SAMD3: variants seen among roughly 807,000 people sequenced by gnomAD.
The protein encoded by SAMD3 is sterile alpha motif domain containing 3, also known as sterile alpha motif domain-containing protein 3.
A neutral mutation model predicts 58.5 loss-of-function variants in SAMD3; 63 were observed. The observed-to-expected ratio is 1.08, with a 90% CI of 0.88 to 1.33. The LOEUF is 1.33. Among genes scored for constraint, SAMD3 ranks in the 40% most tolerant of loss-of-function variants. The pLI is 0.00. For missense variants in SAMD3, 604 were observed against 608.4 expected (o/e 0.99, Z 0.08); for synonymous variants, 220 against 210.3 (o/e 1.05, Z -0.40).
intron 1 of SAMD3, among the ~76,000 whole-genome samples, chr6:130,351,154 A>T (rs1157783413): frequency 2.6e-5 from 4 of 152,226 alleles, no homozygotes; most frequent in Non-Finnish European, 5.9e-5. Context: ...ACCACTCAGG[A>T]CATAGGCATG....
chr6:130,201,811 A>G (rs1188992722), intron 5 of SAMD3, among the ~76,000 whole-genome samples: 1 of 152,070 alleles, frequency 6.6e-6, no homozygotes. Context: ...ATCTTTCAAA[A>G]TCCTCCTTCA....
At chr6:130,352,597 C>T (rs542282029) in intron 1 of SAMD3, among the ~76,000 whole-genome samples, 1 of 152,288 alleles carries the variant, frequency 6.6e-6, no homozygotes, top group East Asian at 1.9e-4. Flanking sequence ...TGTGTAGCTG[C>T]ACTTAGAGTG....
chr6:130,204,346 A>G (rs1415087937), intron 5 of SAMD3, among the ~76,000 whole-genome samples: 1 of 152,214 alleles, frequency 6.6e-6, no homozygotes, highest in Non-Finnish European at 1.5e-5. Flanking sequence ...GATGGGACCT[A>G]TTAATTCCTC....
intron 1 of SAMD3, among the ~76,000 whole-genome samples, chr6:130,357,118 C>CTTTTTTTTTT (rs1169066063): frequency 1.1e-5 from 1 of 91,714 alleles, no homozygotes; most frequent in Non-Finnish European, 2.0e-5. Flanking sequence ...GCCATGGCAT[C>CTTTTTTTTTT]TTTTTTTTTT....
intron 2 of SAMD3, among the ~76,000 whole-genome samples, chr6:130,303,769 T>A (rs1775825883): frequency 6.6e-6 from 1 of 152,208 alleles, no homozygotes; most frequent in Admixed American, 6.5e-5. Context: ...CTATTGCACC[T>A]ATATGCACTT....
chr6:130,213,325 T>TAA (rs1263542008), intron 4 of SAMD3, among the ~76,000 whole-genome samples: 12 of 150,560 alleles, frequency 8.0e-5, no homozygotes, highest in South Asian at 2.1e-4. Context: ...TTTTTTTTTT[T>TAA]AAAAAAAATC....
chr6:130,242,834 T>C (rs1030461249), intron 2 of SAMD3, among the ~76,000 whole-genome samples: 2 of 152,182 alleles, frequency 1.3e-5, no homozygotes, highest in East Asian at 1.9e-4. Flanking sequence ...GAAGCACAGT[T>C]AGCTCTGGTG....
At chr6:130,292,400 C>T (rs1309180043) in intron 2 of SAMD3, among the ~76,000 whole-genome samples, 7 of 151,578 alleles carry the variant, frequency 4.6e-5, no homozygotes, top group Admixed American at 2.0e-4. Context: ...AGTTCTCCTG[C>T]GTCAGCCTCC....
chr6:130,322,428 G>A (rs924365989), intron 1 of SAMD3, among the ~76,000 whole-genome samples: 11 of 152,170 alleles, frequency 7.2e-5, no homozygotes, highest in South Asian at 4.1e-4. Context: ...ACATCTCCAC[G>A]GAGCTGTGAC....
At chr6:130,308,420 ATTCTATTCTATTCTATT>A (rs1776019076) in intron 2 of SAMD3, among the ~76,000 whole-genome samples, 1 of 114,582 alleles carries the variant, frequency 8.7e-6, no homozygotes, top group South Asian at 2.8e-4. Context: ...ATTCTATTCT[ATTCTATTCTATTCTATT>A]CTTTTGTGTG....
intron 1 of SAMD3, among the ~76,000 whole-genome samples, chr6:130,359,127 T>A (rs1178516625): frequency 1.3e-5 from 2 of 152,230 alleles, no homozygotes; most frequent in Non-Finnish European, 2.9e-5. Flanking sequence ...AAGACTATTA[T>A]GAAGAGTTAA....
intron 5 of SAMD3, among the ~76,000 whole-genome samples, chr6:130,196,565 TAGTAC>T (rs1357771865): frequency 1.3e-5 from 2 of 152,170 alleles, no homozygotes; most frequent in Non-Finnish European, 2.9e-5. Context: ...GGCTATGCTA[TAGTAC>T]AAGCCACTAG....
chr6:130,321,140 C>T (rs536885242), intron 1 of SAMD3, among the ~76,000 whole-genome samples: 11 of 152,322 alleles, frequency 7.2e-5, no homozygotes, highest in African/African-American at 2.6e-4. Flanking sequence ...TGATAGGATG[C>T]CACCTCCACA....
chr6:130,235,136 T>C (rs1042149423), intron 2 of SAMD3, among the ~76,000 whole-genome samples: 2 of 152,106 alleles, frequency 1.3e-5, no homozygotes, highest in African/African-American at 2.4e-5. Flanking sequence ...AATAGGGAAA[T>C]TGTAGTTCTT....
At chr6:130,157,907 C>T (rs1349660310) in intron 8 of SAMD3, among the ~76,000 whole-genome samples, 1 of 150,136 alleles carries the variant, frequency 6.7e-6, no homozygotes. Flanking sequence ...CTAACATACG[C>T]TAACATAGAA....
At chr6:130,363,753 T>G (rs183995694) in intron 1 of SAMD3, among the ~76,000 whole-genome samples, 48 of 152,342 alleles carry the variant, frequency 3.2e-4, no homozygotes, top group African/African-American at 1.1e-3. Context: ...TGCACTCTTA[T>G]AAGATGGGCT....
At chr6:130,359,930 G>T (rs1777936666) in intron 1 of SAMD3, among the ~76,000 whole-genome samples, 1 of 152,148 alleles carries the variant, frequency 6.6e-6, no homozygotes, top group Non-Finnish European at 1.5e-5. Context: ...TGCTAAATAA[G>T]TACTGAACTA....
In SAMD3 at chr6:130,193,706, C is replaced by T. The variant is rs567782556; in HGVS notation, c.384-9083G>A. Among the ~76,000 whole-genome samples the T allele has an allele frequency of 7.4e-3, 1,134 of 152,242 alleles. 5 individuals are homozygous for T. Among genetic ancestry groups the T allele is most frequent in the Non-Finnish European group, 0.01 (681 of 68,030 alleles). ...AATGCCTTATTTTCTTCTGCAATGC[C>T]GCTTGACCCCAATACAAACTCGACA... On this transcript the variant is annotated intron_variant, in intron 5 of 11. Transcript: ENST00000439090.
rs116768989 is a variant in SAMD3 at position 130,319,930 on chromosome 6, G to A, written c.-303-6837C>T. Among the ~76,000 whole-genome samples, 1,167 of 152,030 alleles carry A rather than the reference G, an allele frequency of 7.7e-3. 19 individuals are homozygous for A. The highest frequency in any genetic ancestry group is 0.027 in the African/African-American group (1,113 of 41,484). On this transcript the variant is annotated intron_variant, in intron 1 of 13. Coordinates refer to the SAMD3 transcript ENST00000368134. ...CCTGACATGGCTAAGAAAAGAATCA[G>A]TAAACTTGAAGCAGATCAATAAAAA... is the stretch of plus-strand genomic sequence containing the variant.
Sources: gnomAD v4.1 joint callset for allele counts (sites outside exome capture counted in the v4.1 genomes callset) on GRCh38, gnomAD v4.1.1 for gene constraint, MANE v1.5 for transcripts, NCBI Gene and HGNC (gene_info 2026-07-23, HGNC 2026-07-21) for gene names.